CDH22: variants seen among roughly 807,000 people sequenced by gnomAD.
CDH22 encodes the protein cadherin-22.
Under a neutral mutation model 58.4 loss-of-function variants are expected in CDH22, and 30 were observed. The observed-to-expected ratio is 0.51, with a 90% CI of 0.38 to 0.70. CDH22 has a LOEUF of 0.70. CDH22 is among the 30% of genes least tolerant of loss of function. The probability of loss-of-function intolerance (pLI) is 0.00; values close to 1 mark genes in which losing one functional copy is unlikely to be tolerated. For synonymous variants in CDH22, 513 were observed against 558.2 expected (o/e 0.92, Z 1.14); for missense variants, 1,014 against 1,233.9 (o/e 0.82, Z 2.67).
At chr20:46,217,054 C>A in intron 4 of CDH22, 61 bp from the exon 5 acceptor site, 2 of 1,509,438 alleles carry the variant, frequency 1.3e-6, no homozygotes, top group Non-Finnish European at 1.8e-6. Flanking sequence ...GATGTGGAGA[C>A]CCCTGTACAG....
chr20:46,184,313 G>A (rs986617636), intron 10 of CDH22, among the ~76,000 whole-genome samples: 3 of 152,122 alleles, frequency 2.0e-5, no homozygotes. Flanking sequence ...TGGCCAGGCT[G>A]GTCTCGAACT....
At chr20:46,249,296 G>C (rs573417852) in intron 2 of CDH22, among the ~76,000 whole-genome samples, 1 of 152,128 alleles carries the variant, frequency 6.6e-6, no homozygotes, top group East Asian at 1.9e-4. Context: ...CCCAGCCCTT[G>C]CCCCATTCTA....
intron 6 of CDH22, among the ~76,000 whole-genome samples, chr20:46,211,573 G>A (rs1276157288): frequency 1.3e-5 from 2 of 152,120 alleles, no homozygotes; most frequent in Admixed American, 6.6e-5. Flanking sequence ...CGCCACTGCT[G>A]GAGTGGGCGG....
At chr20:46,200,160 G>C (rs534995292) in intron 7 of CDH22, among the ~76,000 whole-genome samples, 2 of 150,250 alleles carry the variant, frequency 1.3e-5, no homozygotes, top group African/African-American at 2.5e-5. Flanking sequence ...TTTTTCAGTA[G>C]AGACGGGGTT....
intron 4 of CDH22, among the ~76,000 whole-genome samples, chr20:46,223,834 CTTCCTTCCTTCCTTCCTTCT>C (rs1384171335): frequency 8.2e-6 from 1 of 121,500 alleles, no homozygotes; most frequent in Non-Finnish European, 1.7e-5. Context: ...TCCTTCCTTC[CTTCCTTCCTTCCTTCCTTCT>C]TTCTTTCTTT....
At chr20:46,262,839 C>T (rs1381281702) in intron 1 of CDH22, among the ~76,000 whole-genome samples, 1 of 152,194 alleles carries the variant, frequency 6.6e-6, no homozygotes, top group Non-Finnish European at 1.5e-5. Context: ...CTCTTTTCTT[C>T]CTGGGCAGAT....
intron 5 of CDH22, among the ~76,000 whole-genome samples, chr20:46,213,782 A>G (rs1233417776): frequency 2.6e-5 from 4 of 152,196 alleles, no homozygotes; most frequent in Admixed American, 2.0e-4. Context: ...TTGAGCACCT[A>G]TGATGCCCCC....
chr20:46,221,673 G>C (rs1249444210), intron 4 of CDH22, among the ~76,000 whole-genome samples: 1 of 152,162 alleles, frequency 6.6e-6, no homozygotes, highest in Non-Finnish European at 1.5e-5. Flanking sequence ...TCCACCTCTT[G>C]CCCAGAACAG....
intron 4 of CDH22, among the ~76,000 whole-genome samples, chr20:46,222,269 A>G (rs1050563356): frequency 2.6e-5 from 4 of 152,174 alleles, no homozygotes; most frequent in East Asian, 1.9e-4. Flanking sequence ...TCCCGTGTCT[A>G]TAGGGCCTGG....
rs764895433 is a variant in CDH22 at position 46,213,207 on chromosome 20, T to C, written c.839-19A>G. ...TACATCTCTGTGGGGGACACGGCCA[T>C]GAGCAGGGATGAAGGCAGCCCCTTC... On this transcript the variant is annotated intron_variant, in intron 5 of 11. Transcript: ENST00000537909. 5.6e-6 allele frequency: 9 copies of C among 1,611,034 alleles called. No homozygotes were observed. The East Asian group carries it at 1.8e-4, about 32-fold the overall frequency.
intron 1 of CDH22, among the ~76,000 whole-genome samples, chr20:46,259,499 C>T (rs184062174): frequency 1.3e-5 from 2 of 152,336 alleles, no homozygotes; most frequent in Admixed American, 6.5e-5. Flanking sequence ...AATGCACATG[C>T]TCGCAGATGA....
Position 46,174,402 on chromosome 20 carries a change from T to G in CDH22, c.*104A>C. On this transcript the variant is annotated 3_prime_UTR_variant, in exon 12 of 12. Coordinates refer to ENST00000537909, the MANE Select transcript of CDH22 (RefSeq NM_021248.3). This position sits in a 1 kb window ranked among gnomAD's most constrained non-coding sequence, Gnocchi z 4.4. Reference sequence around the variant, plus strand: ...CTCCGTCCAGCCGCCAAGGGAGGGTTGGGGGAGGGCAGGAAAGGGGGTCCG... The same window carrying G: ...CTCCGTCCAGCCGCCAAGGGAGGGTGGGGGGAGGGCAGGAAAGGGGGTCCG... The G allele has an allele frequency of 7.9e-6, 6 of 755,958 alleles. No homozygotes were observed. The highest frequency in any genetic ancestry group is 1.2e-5 in the Non-Finnish European group (6 of 505,844). 46.8% of individuals were successfully genotyped at this position (755,958 alleles called of 1,614,324 possible). A position where few individuals can be genotyped will look rare whatever the true frequency, so the allele number is the denominator to read the frequency against.
chr20:46,275,091 A>G (rs1204814122), intron 1 of CDH22, among the ~76,000 whole-genome samples: 2 of 152,198 alleles, frequency 1.3e-5, no homozygotes, highest in Non-Finnish European at 2.9e-5. Flanking sequence ...GAGCATGTAA[A>G]TTATACCTCA....
intron 1 of CDH22, among the ~76,000 whole-genome samples, chr20:46,295,437 G>T (rs2086625081): frequency 6.6e-6 from 1 of 152,140 alleles, no homozygotes; most frequent in Admixed American, 6.5e-5. Context: ...CTTACATAGG[G>T]CTTATGAATG....
intron 1 of CDH22, among the ~76,000 whole-genome samples, chr20:46,260,038 C>T (rs572425808): frequency 6.4e-4 from 97 of 152,222 alleles, no homozygotes; most frequent in African/African-American, 2.1e-3. Context: ...TAGTCTAAAC[C>T]AATAGGAGCC....
chr20:46,201,342 G>A (rs111689805), intron 7 of CDH22, among the ~76,000 whole-genome samples: 21 of 152,336 alleles, frequency 1.4e-4, no homozygotes, highest in African/African-American at 5.1e-4. Context: ...TGCCTGCTGG[G>A]GCCCAGAGCC....
chr20:46,224,051 C>G (rs8117314), intron 4 of CDH22, among the ~76,000 whole-genome samples: 3,171 of 152,100 alleles, frequency 0.021, 104 homozygotes, highest in African/African-American at 0.072. Context: ...TCGGGTTTCA[C>G]CATGTTGGCC....
chr20:46,178,103 C>A lies in CDH22; in HGVS notation c.1758G>T (p.Pro586=). 3 of 1,613,928 alleles carry A rather than the reference C, an allele frequency of 1.9e-6. 1 individual carries two copies. In the South Asian group the frequency reaches 3.3e-5, roughly 18 times the overall value. ...GCGTGCCTGTGCTGCTCAGTGTGGGCGGCCCACTGTCTACCACCAGGATGG... is the reference window on the plus strand; with the variant it reads ...GCGTGCCTGTGCTGCTCAGTGTGGGAGGCCCACTGTCTACCACCAGGATGG... ...FLPILVVDSG[P]PTLSSTGTLT... Residue 586 remains proline, a synonymous_variant, in exon 11 of 12, where the codon CCG becomes CCT. Transcript: ENST00000537909.
intron 1 of CDH22, among the ~76,000 whole-genome samples, chr20:46,301,134 G>A (rs1229834366): frequency 1.3e-5 from 2 of 151,936 alleles, no homozygotes; most frequent in Non-Finnish European, 2.9e-5. Context: ...GCCAAGTGGT[G>A]GTAAAATTAT....
Sources: allele counts gnomAD v4.1 joint callset (sites outside exome capture counted in the v4.1 genomes callset), GRCh38; gene constraint gnomAD v4.1.1; non-coding constraint Gnocchi (gnomAD v3.1); transcripts MANE v1.5; gene names NCBI Gene and HGNC (gene_info 2026-07-23, HGNC 2026-07-21).